LRRTM4: variants seen among roughly 807,000 people sequenced by gnomAD.
LRRTM4 encodes the protein leucine rich repeat transmembrane neuronal 4, also known as leucine-rich repeat transmembrane neuronal protein 4.
A neutral mutation model predicts 47.6 loss-of-function variants in LRRTM4; 25 were observed. The observed-to-expected ratio is 0.53, with a 90% CI of 0.38 to 0.73. The LOEUF is 0.73. Among genes scored for constraint, LRRTM4 ranks in the 30% least tolerant of loss-of-function variants. The pLI is 0.00. For synonymous variants in LRRTM4, 311 were observed against 269.5 expected (o/e 1.15, Z -1.51); for missense variants, 638 against 713.4 (o/e 0.89, Z 1.20).
At chr2:76,951,093 T>C (rs1463242274) in intron 3 of LRRTM4, among the ~76,000 whole-genome samples, 1 of 149,088 alleles carries the variant, frequency 6.7e-6, no homozygotes, top group Non-Finnish European at 1.5e-5. Context: ...ACAGAAGGTT[T>C]ATACAAAAGT....
At chr2:77,019,944 T>C (rs1169314298) in intron 3 of LRRTM4, among the ~76,000 whole-genome samples, 2 of 151,952 alleles carry the variant, frequency 1.3e-5, no homozygotes, top group Non-Finnish European at 2.9e-5. Flanking sequence ...AGGAAGCAAA[T>C]AAATTATTAT....
chr2:77,318,566 C>G (rs576036704), intron 3 of LRRTM4, among the ~76,000 whole-genome samples: 3 of 152,202 alleles, frequency 2.0e-5, no homozygotes, highest in South Asian at 2.1e-4. Flanking sequence ...GCACAAAGCC[C>G]AAATCAAATA....
At chr2:77,110,380 C>A (rs560365711) in intron 3 of LRRTM4, among the ~76,000 whole-genome samples, 1 of 152,094 alleles carries the variant, frequency 6.6e-6, no homozygotes, top group Non-Finnish European at 1.5e-5. Context: ...CCCACTAACA[C>A]AACCTTGCTA....
chr2:76,827,237 G>C (rs1249094769), intron 3 of LRRTM4, among the ~76,000 whole-genome samples: 1 of 151,732 alleles, frequency 6.6e-6, no homozygotes, highest in African/African-American at 2.4e-5. Flanking sequence ...GTTGGTGTAT[G>C]GTACAGCTCT....
chr2:76,786,161 C>G (rs948084067), intron 3 of LRRTM4, among the ~76,000 whole-genome samples: 2 of 152,086 alleles, frequency 1.3e-5, no homozygotes, highest in Admixed American at 6.6e-5. Context: ...AGTACAAATT[C>G]TTTTCCATTC....
At chr2:77,104,805 C>A (rs374242511) in intron 3 of LRRTM4, among the ~76,000 whole-genome samples, 3 of 152,240 alleles carry the variant, frequency 2.0e-5, no homozygotes, top group African/African-American at 7.2e-5. Context: ...AAAGTTTCAA[C>A]CACTCATTGT....
At chr2:77,301,774 A>T (rs1202865191) in intron 3 of LRRTM4, among the ~76,000 whole-genome samples, 6 of 152,132 alleles carry the variant, frequency 3.9e-5, no homozygotes, top group African/African-American at 9.6e-5. Flanking sequence ...ATAGTATCCT[A>T]TTCTCTTTAT....
At chr2:76,965,079 G>A (rs911504539) in intron 3 of LRRTM4, among the ~76,000 whole-genome samples, 3 of 151,020 alleles carry the variant, frequency 2.0e-5, no homozygotes, top group Non-Finnish European at 4.5e-5. Context: ...TGAAGCATCT[G>A]GTCCAGATAG....
At chr2:76,927,384 T>C (rs1674621028) in intron 3 of LRRTM4, among the ~76,000 whole-genome samples, 1 of 152,160 alleles carries the variant, frequency 6.6e-6, no homozygotes, top group Non-Finnish European at 1.5e-5. Flanking sequence ...GTATAACGGT[T>C]CTACGATGTA....
At chr2:76,888,457 CTTAT>C (rs1673147983) in intron 3 of LRRTM4, among the ~76,000 whole-genome samples, 1 of 151,392 alleles carries the variant, frequency 6.6e-6, no homozygotes, top group Admixed American at 6.6e-5. Context: ...TTGATGGTAA[CTTAT>C]TTTTTTATAT....
intron 3 of LRRTM4, among the ~76,000 whole-genome samples, chr2:77,028,105 T>G (rs191871324): frequency 3.0e-4 from 45 of 152,294 alleles, no homozygotes; most frequent in Admixed American, 2.8e-3. Flanking sequence ...AATTATTTAT[T>G]GCAGTATCTC....
At chr2:76,898,860 C>G (rs971253820) in intron 3 of LRRTM4, among the ~76,000 whole-genome samples, 2 of 151,326 alleles carry the variant, frequency 1.3e-5, no homozygotes, top group Non-Finnish European at 2.9e-5. Flanking sequence ...TATAGTTATA[C>G]TTTTAATTTT....
intron 3 of LRRTM4, among the ~76,000 whole-genome samples, chr2:77,056,341 A>T (rs1369175535): frequency 6.6e-6 from 1 of 152,186 alleles, no homozygotes; most frequent in East Asian, 1.9e-4. Context: ...TGTATTTTCC[A>T]CTAGACTCAA....
chr2:77,350,119 GA>G (rs1671704595), intron 3 of LRRTM4, among the ~76,000 whole-genome samples: 1 of 150,288 alleles, frequency 6.7e-6, no homozygotes, highest in Non-Finnish European at 1.5e-5. Flanking sequence ...TCAGGAGATC[GA>G]GACCATCCTG....
intron 3 of LRRTM4, among the ~76,000 whole-genome samples, chr2:76,784,993 TATCCAAATTTC>T (rs368222166): frequency 3.2e-4 from 49 of 152,184 alleles, no homozygotes; most frequent in African/African-American, 1.0e-3. Flanking sequence ...ACTTTCATTT[TATCCAAATTTC>T]ATATGGAAAA....
intron 3 of LRRTM4, among the ~76,000 whole-genome samples, chr2:77,350,731 G>A (rs1671735975): frequency 6.6e-6 from 1 of 151,796 alleles, no homozygotes; most frequent in African/African-American, 2.4e-5. Context: ...ACAATCTAAA[G>A]GAAAAATAAT....
chr2:76,974,199 TATATATATATACAC>T (rs1364420700), intron 3 of LRRTM4, among the ~76,000 whole-genome samples: 58 of 94,802 alleles, frequency 6.1e-4, no homozygotes, highest in East Asian at 1.6e-3. Context: ...TATATATACA[TATATATATATACAC>T]ATATATATAC....
chr2:77,080,803 A>G (rs1447230768), intron 3 of LRRTM4, among the ~76,000 whole-genome samples: 1 of 152,200 alleles, frequency 6.6e-6, no homozygotes, highest in Non-Finnish European at 1.5e-5. Context: ...CAAGGTACTT[A>G]ACAATGCCTA....
intron 3 of LRRTM4, among the ~76,000 whole-genome samples, chr2:77,017,464 G>C (rs542673533): frequency 6.6e-6 from 1 of 152,086 alleles, no homozygotes; most frequent in South Asian, 2.1e-4. Context: ...TCCTGCCTCA[G>C]ATATCCCCTC....
Sources: gnomAD v4.1 joint callset for allele counts (sites outside exome capture counted in the v4.1 genomes callset) on GRCh38, gnomAD v4.1.1 for gene constraint, MANE v1.5 for transcripts, NCBI Gene and HGNC (gene_info 2026-07-23, HGNC 2026-07-21) for gene names.